The following FAM169A variants were observed in gnomAD, a reference collection of about 807,000 sequenced individuals.
FAM169A encodes family with sequence similarity 169 member A.
In FAM169A, 24 loss-of-function variants were observed where a neutral mutation model predicts 75.7. The ratio of observed to expected loss-of-function variants is 0.32; its 90% CI spans 0.23 to 0.45. FAM169A has a LOEUF of 0.45. Ranked by LOEUF, FAM169A falls within the 20% of genes least tolerant of loss-of-function variation. FAM169A has a pLI of 1.00. For synonymous variants in FAM169A, 271 were observed against 271.0 expected, an observed-to-expected ratio of 1.00 and a Z score of 0.00; for missense variants, 673 against 784.0, an observed-to-expected ratio of 0.86 and a Z score of 1.69.
rs111871592 is a variant in FAM169A, at chr5:74,847,741, C to T, written c.-3-6062G>A. On this transcript the variant is annotated intron_variant, in intron 1 of 12. Coordinates refer to ENST00000687041, the MANE Select transcript of FAM169A (RefSeq NM_001376049.1). ...TACAGATCAAAGGCAAGTAGAATAT[C>T]ACTAAAGTGTGAAAACAGAAATTAG... Among the ~76,000 whole-genome samples the T allele has an allele frequency of 1.9e-3, 282 of 152,276 alleles. 2 individuals are homozygous for T. The highest frequency in any genetic ancestry group is 6.3e-3 in the African/African-American group (263 of 41,568).
intron 5 of FAM169A, among the ~76,000 whole-genome samples, chr5:74,828,582 T>A (rs1031044963): frequency 6.6e-6 from 1 of 152,308 alleles, no homozygotes; most frequent in South Asian, 2.1e-4. Flanking sequence ...GAAGGAACTT[T>A]CAGCCAATCC....
chr5:74,807,406 T>A (rs1746946723), intron 6 of FAM169A, among the ~76,000 whole-genome samples: 1 of 152,214 alleles, frequency 6.6e-6, no homozygotes. Flanking sequence ...GACTGGGAGC[T>A]GTGATTGGCA....
chr5:74,831,226 C>T (rs913110831), intron 5 of FAM169A, among the ~76,000 whole-genome samples: 2 of 152,254 alleles, frequency 1.3e-5, no homozygotes, highest in South Asian at 4.1e-4. Context: ...AAGACTGCTA[C>T]ACAACTTACA....
At chr5:74,805,910 A>C (rs1323282374) in intron 6 of FAM169A, among the ~76,000 whole-genome samples, 1 of 151,582 alleles carries the variant, frequency 6.6e-6, no homozygotes, top group Non-Finnish European at 1.5e-5. Flanking sequence ...CAAATTCAAA[A>C]ATGAAAGAAC....
At chr5:74,864,147 T>C (rs1367010517) in intron 1 of FAM169A, among the ~76,000 whole-genome samples, 1 of 152,218 alleles carries the variant, frequency 6.6e-6, no homozygotes, top group Non-Finnish European at 1.5e-5. Context: ...AGAAAATAAA[T>C]AGTTTAATTT....
chr5:74,828,465 C>G (rs1029006473), intron 5 of FAM169A, among the ~76,000 whole-genome samples: 2 of 152,144 alleles, frequency 1.3e-5, no homozygotes, highest in African/African-American at 4.8e-5. Context: ...ATAATTTATT[C>G]CCTAACACAA....
chr5:74,824,693 C>G (rs1054535309), intron 5 of FAM169A, among the ~76,000 whole-genome samples: 1 of 142,998 alleles, frequency 7.0e-6, no homozygotes, highest in Non-Finnish European at 1.5e-5. Flanking sequence ...TGACCACTTT[C>G]CTGATACACA....
Position 74,782,011 on chromosome 5 carries a change from G to A in FAM169A, c.1465-3C>T. 2.5e-6 allele frequency: 4 copies of A among 1,590,774 alleles called. No individual in the cohort carries two copies. The highest frequency in any genetic ancestry group is 1.4e-5 in the African/African-American group (1 of 73,794). On this transcript the variant is annotated splice_region_variant and splice_polypyrimidine_tract_variant and intron_variant, in intron 12 of 12. Coordinates refer to ENST00000687041, the MANE Select transcript of FAM169A (RefSeq NM_001376049.1). ...TCTGAGTCAGGTATACGTGGGGTCT[G>A]AAAATTAAAAACCTGGTCAACAAAT...
chr5:74,866,189 G>A lies in FAM169A; in HGVS notation c.-28C>T. ...CCTCAGACGCGCCCCGGGAGCCGCT[G>A]GAAGAGCCCGGGAAAGGAGGCGGAG... On this transcript the variant is annotated 5_prime_UTR_variant, in exon 1 of 13. Coordinates refer to ENST00000687041, the MANE Select transcript of FAM169A (RefSeq NM_001376049.1). The A allele has an allele frequency of 1.0e-6, 1 of 982,592 alleles. No individual in the cohort carries two copies. Among genetic ancestry groups the A allele is most frequent in the Non-Finnish European group, 1.2e-6 (1 of 829,522 alleles). The allele number at this position is 982,592 out of a possible 1,614,324, so 60.9% of individuals were successfully genotyped here. A position where few individuals can be genotyped will look rare whatever the true frequency, so the allele number is the denominator to read the frequency against.
intron 11 of FAM169A, among the ~76,000 whole-genome samples, chr5:74,787,230 T>G (rs1390263157): frequency 6.6e-6 from 1 of 152,198 alleles, no homozygotes; most frequent in African/African-American, 2.4e-5. Flanking sequence ...CAGGCTGAAT[T>G]TATTGATTCG....
At chr5:74,839,432 C>A (rs1748739350) in intron 3 of FAM169A, among the ~76,000 whole-genome samples, 1 of 152,106 alleles carries the variant, frequency 6.6e-6, no homozygotes, top group Admixed American at 6.5e-5. Flanking sequence ...TTGCCTGCAA[C>A]CATGTAAGAC....
intron 11 of FAM169A, among the ~76,000 whole-genome samples, chr5:74,785,838 A>T (rs754722540): frequency 2.1e-4 from 32 of 152,260 alleles, no homozygotes; most frequent in Non-Finnish European, 8.8e-5. Context: ...TTCTCAAAAG[A>T]AGATATACAA....
At chr5:74,851,928 C>A (rs1197982493) in intron 1 of FAM169A, among the ~76,000 whole-genome samples, 1 of 152,024 alleles carries the variant, frequency 6.6e-6, no homozygotes, top group African/African-American at 2.4e-5. Flanking sequence ...CAGGATACAA[C>A]CAATTTTTAA....
intron 6 of FAM169A, among the ~76,000 whole-genome samples, chr5:74,812,111 A>T (rs914556273): frequency 4.6e-5 from 7 of 152,070 alleles, no homozygotes; most frequent in Non-Finnish European, 8.8e-5. Context: ...TGAGTATTTG[A>T]TATCTTATTT....
At chr5:74,802,102 G>A (rs1412481506) in intron 8 of FAM169A, among the ~76,000 whole-genome samples, 2 of 152,008 alleles carry the variant, frequency 1.3e-5, no homozygotes, top group African/African-American at 2.4e-5. Flanking sequence ...GCTTAATGAC[G>A]ATTCAGTCAG....
chr5:74,841,723 C>T lies in FAM169A; in HGVS notation c.-3-44G>A, dbSNP rs186443942. 1.0e-5 allele frequency: 16 copies of T among 1,526,538 alleles called. No homozygotes were observed. The African/African-American group carries it at 1.8e-4, about 17-fold the overall frequency. 94.6% of individuals were successfully genotyped at this position (1,526,538 alleles called of 1,614,324 possible). On this transcript the variant is annotated intron_variant, in intron 1 of 12. Coordinates refer to ENST00000687041, the MANE Select transcript of FAM169A (RefSeq NM_001376049.1). ...AACAAACAATTCAGAATATGAAACG[C>T]CATCTTCCTTTACTCACAGAAAATA...
At chr5:74,799,537 A>G (rs1746451677) in intron 10 of FAM169A, 1 of 1,547,520 alleles carries the variant, frequency 6.5e-7, no homozygotes, top group Non-Finnish European at 8.9e-7. Context: ...AAAGCTGGCC[A>G]GCATGCCCTG....
At chr5:74,805,976 C>CAA (rs370761667) in intron 6 of FAM169A, among the ~76,000 whole-genome samples, 21,284 of 84,774 alleles carry the variant, frequency 0.25, 1,918 homozygotes, top group Middle Eastern at 0.36. Context: ...TTAAAAGCTC[C>CAA]AAAAAAAAAA....
chr5:74,794,001 T>C (rs1195625850), intron 11 of FAM169A, among the ~76,000 whole-genome samples: 27 of 100,528 alleles, frequency 2.7e-4, no homozygotes, highest in South Asian at 5.9e-4. Flanking sequence ...AGACTCCATC[T>C]CAAAAAAAAA....
Sources: gnomAD v4.1 joint callset for allele counts (sites outside exome capture counted in the v4.1 genomes callset) on GRCh38, gnomAD v4.1.1 for gene constraint, MANE v1.5 for transcripts, NCBI Gene and HGNC (gene_info 2026-07-23, HGNC 2026-07-21) for gene names.